The following CCDC77 variants were observed in gnomAD, a reference collection of about 807,000 sequenced individuals.
CCDC77 encodes coiled-coil domain containing 77.
A neutral mutation model predicts 66.8 loss-of-function variants in CCDC77; 56 were observed. The ratio of observed to expected loss-of-function variants is 0.84; its 90% confidence interval spans 0.68 to 1.05. CCDC77 has a LOEUF of 1.05. CCDC77 is among the 50% of genes least tolerant of loss of function. The pLI, the probability that CCDC77 is intolerant of heterozygous loss-of-function variation, is 0.00. For missense variants in CCDC77, 570 were observed against 576.8 expected (o/e 0.99, Z 0.12); for synonymous variants, 196 against 195.2 (o/e 1.00, Z -0.03).
intron 9 of CCDC77, among the ~76,000 whole-genome samples, chr12:437,430 TG>T (rs1356247042): frequency 3.9e-5 from 6 of 152,174 alleles, no homozygotes; most frequent in African/African-American, 1.4e-4. Context: ...ATATGACAGA[TG>T]AGCAAGTGTT....
chr12:400,593 G>A (rs1007702224), upstream of CCDC77, among the ~76,000 whole-genome samples: 1 of 152,180 alleles, frequency 6.6e-6, no homozygotes, highest in African/African-American at 2.4e-5. Flanking sequence ...AGAAGAGAGG[G>A]AGAAAGGCAG....
At chr12:416,337 GTGTGGGGGTGTGTGTGTGT>G (rs1945261231) in intron 4 of CCDC77, among the ~76,000 whole-genome samples, 8 of 45,190 alleles carry the variant, frequency 1.8e-4, no homozygotes, top group African/African-American at 4.7e-4. Context: ...GTCTGTGGGT[GTGTGGGGGTGTGTGTGTGT>G]GTGTGTGTGT....
At position 415,299 on chromosome 12, in the gene CCDC77, C is replaced by CATAATATTATATTAATATTATT. The variant is rs1565567788; in HGVS notation, c.271-3194_271-3193insTAATATTATATTAATATTATTA. Among the ~76,000 whole-genome samples, 6 of 109,828 alleles carry CATAATATTATATTAATATTATT rather than the reference C, an allele frequency of 5.5e-5. 1 individual carries two copies. The highest frequency in any genetic ancestry group is 5.3e-4 in the South Asian group (2 of 3,766). 72.1% of individuals were successfully genotyped at this position (109,828 alleles called of 152,430 possible). ...TAACATAATATTATGTTAATATAAT[C>CATAATATTATATTAATATTATT]AACATAATATTATGTTAATATAATC... On this transcript the variant is annotated intron_variant, in intron 4 of 12. Coordinates refer to ENST00000239830, the MANE Select transcript of CCDC77 (RefSeq NM_032358.4).
At chr12:426,172 T>G (rs774228959) in intron 5 of CCDC77, among the ~76,000 whole-genome samples, 17 of 152,210 alleles carry the variant, frequency 1.1e-4, no homozygotes, top group Non-Finnish European at 2.1e-4. Context: ...CCAGATTCTT[T>G]TATACTGTAT....
chr12:441,314 T>A (rs1396664760), intron 12 of CCDC77, among the ~76,000 whole-genome samples: 6 of 152,110 alleles, frequency 3.9e-5, no homozygotes, highest in African/African-American at 1.4e-4. Flanking sequence ...AGTGATAGAG[T>A]ACTTTTTTCC....
At chr12:394,573 T>G (rs1179324507) in intron 1 of CCDC77, among the ~76,000 whole-genome samples, 1 of 152,242 alleles carries the variant, frequency 6.6e-6, no homozygotes, top group Non-Finnish European at 1.5e-5. Context: ...TGCTCTTGTT[T>G]AGGCCCTTTC....
At chr12:430,610 TA>T in intron 6 of CCDC77, 53 bp from the exon 7 acceptor site, 2 of 1,336,820 alleles carry the variant, frequency 1.5e-6, no homozygotes, top group Non-Finnish European at 2.2e-6. Context: ...GGCTGAAAAG[TA>T]AAATATTACG....
chr12:412,358 C>G (rs938898303), intron 4 of CCDC77, among the ~76,000 whole-genome samples: 1 of 152,208 alleles, frequency 6.6e-6, no homozygotes, highest in Non-Finnish European at 1.5e-5. Context: ...AACTGCAGTG[C>G]CTGCAAATGA....
At chr12:414,366 A>G (rs1945180974) in intron 4 of CCDC77, among the ~76,000 whole-genome samples, 1 of 152,226 alleles carries the variant, frequency 6.6e-6, no homozygotes, top group Non-Finnish European at 1.5e-5. Flanking sequence ...CTGGGATTAC[A>G]GGCGTGAGCC....
intron 5 of CCDC77, among the ~76,000 whole-genome samples, chr12:424,518 C>A (rs1185377028): frequency 1.3e-5 from 2 of 151,540 alleles, no homozygotes; most frequent in Non-Finnish European, 2.9e-5. Flanking sequence ...AGAAACAGGG[C>A]AGATCTCACT....
intron 5 of CCDC77, among the ~76,000 whole-genome samples, chr12:423,488 TG>T (rs58702798): frequency 0.029 from 924 of 31,990 alleles, 156 homozygotes; most frequent in East Asian, 0.12. Flanking sequence ...TGTTTTTTTT[TG>T]TTTTGTTTTT....
At position 441,988 on chromosome 12, in the gene CCDC77, C is replaced by G; in HGVS notation, c.*68C>G. ...TCTTGAAACCTGAGGACAAGGTCATCTGCTGCCAGAAAATGTAAACCTGAG... is the reference window on the plus strand; with the variant it reads ...TCTTGAAACCTGAGGACAAGGTCATGTGCTGCCAGAAAATGTAAACCTGAG... On this transcript the variant is annotated 3_prime_UTR_variant, in exon 13 of 13. Coordinates refer to ENST00000239830, the MANE Select transcript of CCDC77 (RefSeq NM_032358.4). 1 of 1,538,550 alleles carries G rather than the reference C, an allele frequency of 6.5e-7. No individual in the cohort carries two copies. Among genetic ancestry groups the G allele is most frequent in the Admixed American group, 1.7e-5 (1 of 58,896 alleles).
At chr12:432,771 T>G (rs138341282) in intron 8 of CCDC77, among the ~76,000 whole-genome samples, 612 of 152,354 alleles carry the variant, frequency 4.0e-3, no homozygotes, top group Non-Finnish European at 7.0e-3. Flanking sequence ...CTGGGCATAG[T>G]AATGCCTGTA....
intron 5 of CCDC77, among the ~76,000 whole-genome samples, chr12:423,473 TTTTGTGTTTTTTTTTGTTTTG>T (rs768528225): frequency 0.073 from 2,645 of 36,198 alleles, 375 homozygotes; most frequent in African/African-American, 0.18. Context: ...TTTTTGTGTT[TTTTGTGTTTTTTTTTGTTTTG>T]TTTTTTTTTT....
chr12:395,187 TCCTC>T (rs924519486), intron 1 of CCDC77: 4 of 152,232 alleles, frequency 2.6e-5, no homozygotes, highest in Admixed American at 6.6e-5. Context: ...GAAGCGATCC[TCCTC>T]CCTCAGCCTC....
chr12:405,014 G>T (rs541879593), intron 1 of CCDC77, among the ~76,000 whole-genome samples: 235 of 152,254 alleles, frequency 1.5e-3, no homozygotes, highest in Middle Eastern at 3.4e-3. Flanking sequence ...GAGCCACTGT[G>T]CCCAGCCGCT....
At chr12:416,844 G>A (rs939332159) in intron 4 of CCDC77, among the ~76,000 whole-genome samples, 1 of 150,814 alleles carries the variant, frequency 6.6e-6, no homozygotes, top group African/African-American at 2.4e-5. Flanking sequence ...ATGGTGGCTC[G>A]TGCCTGTAAT....
At chr12:403,138 C>T (rs962882618) in intron 1 of CCDC77, among the ~76,000 whole-genome samples, 1 of 152,118 alleles carries the variant, frequency 6.6e-6, no homozygotes, top group African/African-American at 2.4e-5. Context: ...GTAATTGTTA[C>T]TTACTGTATG....
intron 8 of CCDC77, 40 bp downstream of exon 8, chr12:431,994 C>T: frequency 8.0e-7 from 1 of 1,245,818 alleles, no homozygotes; most frequent in Non-Finnish European, 1.2e-6. Context: ...GGCTTTTATC[C>T]ACAGGTGCAG....
Sources: allele counts gnomAD v4.1 joint callset (sites outside exome capture counted in the v4.1 genomes callset), GRCh38; gene constraint gnomAD v4.1.1; transcripts MANE v1.5; gene names NCBI Gene and HGNC (gene_info 2026-07-23, HGNC 2026-07-21).